CSNK2A2IP: variants seen among roughly 807,000 people sequenced by gnomAD.
CSNK2A2IP encodes the protein casein kinase II subunit alpha'-interacting protein.
At chr3:88,466,159 G>T in the CSNK2A2IP span, 1 of 1,231,528 alleles carries the variant, frequency 8.1e-7, no homozygotes, top group Non-Finnish European at 1.0e-6. Context: ...CAATCAAATT[G>T]CTCTTACCTC....
chr3:88,408,788 A>G, the CSNK2A2IP span, among the ~76,000 whole-genome samples: 1 of 151,812 alleles, frequency 6.6e-6, no homozygotes, highest in African/African-American at 2.4e-5. Flanking sequence ...GTGCATCTCA[A>G]GGATTTGAGT....
At chr3:88,454,802 A>G in the CSNK2A2IP span, among the ~76,000 whole-genome samples, 5 of 151,888 alleles carry the variant, frequency 3.3e-5, no homozygotes, top group African/African-American at 2.4e-5. Context: ...TGTGGTGAGA[A>G]CACATCAGAA....
chr3:88,341,211 C>A, the CSNK2A2IP span, among the ~76,000 whole-genome samples: 1 of 151,694 alleles, frequency 6.6e-6, no homozygotes, highest in South Asian at 2.1e-4. Context: ...CCAGATATAT[C>A]TGGAGGAATA....
chr3:88,418,616 A>C, the CSNK2A2IP span, among the ~76,000 whole-genome samples: 1 of 151,508 alleles, frequency 6.6e-6, no homozygotes. Flanking sequence ...CCTTTCATTA[A>C]AAAAAATTTA....
At chr3:88,414,636 A>G in the CSNK2A2IP span, among the ~76,000 whole-genome samples, 8 of 151,912 alleles carry the variant, frequency 5.3e-5, no homozygotes. Context: ...AGATTCCAGG[A>G]TATGTTTCCT....
At chr3:88,347,152 G>A in the CSNK2A2IP span, among the ~76,000 whole-genome samples, 153 of 152,114 alleles carry the variant, frequency 1.0e-3, no homozygotes, top group African/African-American at 3.4e-3. Context: ...AAACTTGAAT[G>A]GGTGAGGAGT....
chr3:88,440,658 G>T, the CSNK2A2IP span, among the ~76,000 whole-genome samples: 5 of 152,128 alleles, frequency 3.3e-5, no homozygotes, highest in African/African-American at 1.2e-4. Flanking sequence ...CAAATTAAAC[G>T]TTGGAATTGT....
the CSNK2A2IP span, among the ~76,000 whole-genome samples, chr3:88,396,843 G>C: frequency 6.6e-6 from 1 of 152,138 alleles, no homozygotes; most frequent in Non-Finnish European, 1.5e-5. Context: ...ACAGTTAAGC[G>C]GGTACAGCAA....
the CSNK2A2IP span, chr3:88,431,257 G>A: frequency 6.6e-6 from 1 of 152,210 alleles, no homozygotes; most frequent in African/African-American, 2.4e-5. Context: ...TGAGCTCCTT[G>A]TTCTACTCTT....
chr3:88,392,608 G>A, the CSNK2A2IP span, among the ~76,000 whole-genome samples: 1 of 152,212 alleles, frequency 6.6e-6, no homozygotes, highest in Admixed American at 6.5e-5. Context: ...ATTAAAGTAA[G>A]GTACAATAAA....
At chr3:88,341,455 A>G in the CSNK2A2IP span, among the ~76,000 whole-genome samples, 139 of 151,940 alleles carry the variant, frequency 9.1e-4, 1 homozygote, top group South Asian at 5.6e-3. Flanking sequence ...TGTGCCTGAC[A>G]TGTAACTTTA....
the CSNK2A2IP span, among the ~76,000 whole-genome samples, chr3:88,425,709 A>AAGCTC: frequency 6.6e-6 from 1 of 152,134 alleles, no homozygotes. Context: ...AGCAAGTAAT[A>AAGCTC]AGCATTGGTA....
At chr3:88,338,801 A>G in the CSNK2A2IP span, among the ~76,000 whole-genome samples, 1 of 152,132 alleles carries the variant, frequency 6.6e-6, no homozygotes, top group Non-Finnish European at 1.5e-5. Flanking sequence ...CCAACATCTA[A>G]AAAATGTCAG....
the CSNK2A2IP span, among the ~76,000 whole-genome samples, chr3:88,367,200 A>C: frequency 6.6e-6 from 1 of 152,148 alleles, no homozygotes; most frequent in Non-Finnish European, 1.5e-5. Flanking sequence ...TGTTATCAAA[A>C]GGACCTTCCC....
chr3:88,376,820 C>A, the CSNK2A2IP span, among the ~76,000 whole-genome samples: 2 of 151,694 alleles, frequency 1.3e-5, no homozygotes, highest in African/African-American at 4.8e-5. Context: ...ACCAGCAATT[C>A]CTAGTTATTA....
chr3:88,370,598 TTCTC>T, the CSNK2A2IP span, among the ~76,000 whole-genome samples: 41 of 128,906 alleles, frequency 3.2e-4, no homozygotes, highest in South Asian at 1.2e-3. Context: ...CTTTCTTTCT[TTCTC>T]TCTCTCTCTC....
At chr3:88,390,374 T>G in the CSNK2A2IP span, among the ~76,000 whole-genome samples, 1 of 152,036 alleles carries the variant, frequency 6.6e-6, no homozygotes, top group East Asian at 1.9e-4. Context: ...ATAAAGGTAC[T>G]GCTGGAACAT....
At chr3:88,466,739 C>T in the CSNK2A2IP span, 1 of 920,682 alleles carries the variant, frequency 1.1e-6, no homozygotes, top group African/African-American at 1.7e-5. Flanking sequence ...AGGGGAAGGC[C>T]AAATCCTCAT....
chr3:88,409,034 ACT>A, the CSNK2A2IP span, among the ~76,000 whole-genome samples: 1 of 151,904 alleles, frequency 6.6e-6, no homozygotes, highest in East Asian at 1.9e-4. Flanking sequence ...TTTCCTACTG[ACT>A]CTGACCCACA....
Sources: gnomAD v4.1 joint callset for allele counts (sites outside exome capture counted in the v4.1 genomes callset) on GRCh38, gnomAD v4.1.1 for gene constraint, MANE v1.5 for transcripts, NCBI Gene and HGNC (gene_info 2026-07-23, HGNC 2026-07-21) for gene names.